LDAH: variants seen among roughly 807,000 people sequenced by gnomAD.
The protein encoded by LDAH is lipid droplet-associated hydrolase.
A neutral mutation model predicts 29.6 loss-of-function variants in LDAH; 26 were observed. That is an observed-to-expected ratio of 0.88 (90% CI 0.64 to 1.22). The LOEUF is 1.22. Ranked by LOEUF, LDAH falls within the 50% of genes most tolerant of loss-of-function variation. The pLI is 0.00. For missense variants in LDAH, 344 were observed against 387.3 expected (o/e 0.89, Z 0.94); for synonymous variants, 117 against 133.0 (o/e 0.88, Z 0.83).
chr2:20,754,329 A>C (rs140065450), intron 4 of LDAH, among the ~76,000 whole-genome samples: 2,007 of 151,808 alleles, frequency 0.013, 38 homozygotes, highest in African/African-American at 0.047. Context: ...TCTACTAAAA[A>C]AATAAAAAAA....
intron 6 of LDAH, among the ~76,000 whole-genome samples, chr2:20,692,263 C>T (rs958555921): frequency 3.3e-5 from 5 of 152,100 alleles, no homozygotes; most frequent in Non-Finnish European, 7.4e-5. Context: ...CAAAGCCCTA[C>T]GGGACCCCAA....
chr2:20,778,382 C>T (rs930744480), intron 3 of LDAH, among the ~76,000 whole-genome samples: 6 of 152,230 alleles, frequency 3.9e-5, no homozygotes, highest in Middle Eastern at 3.4e-3. Flanking sequence ...ATCAGTACTT[C>T]GCATTAACTT....
In LDAH at chr2:20,685,422, A is replaced by G. The variant is rs1662488358; in HGVS notation, c.*1481T>C. On this transcript the variant is annotated 3_prime_UTR_variant, in exon 7 of 7. Coordinates refer to ENST00000237822, the MANE Select transcript of LDAH (RefSeq NM_021925.4). Reference sequence around the variant, plus strand: ...ACAGCCCTGTGCTTACGGCCTATGTATCTATTAGCTCTTCCCCTTGGGCTA... The same window carrying G: ...ACAGCCCTGTGCTTACGGCCTATGTGTCTATTAGCTCTTCCCCTTGGGCTA... 2 of 1,237,020 alleles carry G rather than the reference A, an allele frequency of 1.6e-6. No individual in the cohort carries two copies. The highest frequency in any genetic ancestry group is 2.6e-5 in the Admixed American group (1 of 39,152). The allele number at this position is 1,237,020 out of a possible 1,614,324, so 76.6% of individuals were successfully genotyped here.
intron 5 of LDAH, among the ~76,000 whole-genome samples, chr2:20,712,234 C>G (rs1664817240): frequency 6.6e-6 from 1 of 152,190 alleles, no homozygotes; most frequent in South Asian, 2.1e-4. Flanking sequence ...TGGTGATACC[C>G]AGGCAAGCAG....
At chr2:20,751,011 A>G (rs1473412775) in intron 4 of LDAH, among the ~76,000 whole-genome samples, 5 of 152,304 alleles carry the variant, frequency 3.3e-5, no homozygotes, top group African/African-American at 1.2e-4. Flanking sequence ...CCACTTGAGG[A>G]TGGGGGGATT....
intron 6 of LDAH, among the ~76,000 whole-genome samples, chr2:20,689,834 G>T (rs549302385): frequency 6.6e-6 from 1 of 152,078 alleles, no homozygotes; most frequent in South Asian, 2.1e-4. Context: ...GCATGCTCTC[G>T]CCTCAAGATC....
rs146306104 is a variant in LDAH, at chr2:20,764,011, T to A, written c.468+10799A>T. Among the ~76,000 whole-genome samples, 42 of 152,300 alleles carry A rather than the reference T, an allele frequency of 2.8e-4. 1 individual carries two copies. In the East Asian group the frequency reaches 7.7e-3, roughly 28 times the overall value. On this transcript the variant is annotated intron_variant, in intron 4 of 6. Transcript: ENST00000237822. ...TTGAGAAAAACATATTAAGTCGTTT[T>A]TGAGTTATGAAAAGATGAAAAAAGC...
intron 5 of LDAH, among the ~76,000 whole-genome samples, chr2:20,735,022 T>G (rs187933443): frequency 6.6e-6 from 1 of 152,234 alleles, no homozygotes; most frequent in South Asian, 2.1e-4. Context: ...ATGAATAATG[T>G]ACCGCTTTGC....
At chr2:20,693,678 T>C (rs1399630342) in intron 6 of LDAH, among the ~76,000 whole-genome samples, 1 of 152,256 alleles carries the variant, frequency 6.6e-6, no homozygotes, top group East Asian at 1.9e-4. Context: ...TTGGCTATCC[T>C]TGGTTGAGCA....
At chr2:20,739,411 A>G (rs958263019) in intron 5 of LDAH, among the ~76,000 whole-genome samples, 8 of 152,248 alleles carry the variant, frequency 5.3e-5, no homozygotes, top group African/African-American at 1.9e-4. Context: ...GATAGACTAC[A>G]TTTTAAAACA....
intron 5 of LDAH, among the ~76,000 whole-genome samples, chr2:20,733,240 TA>T (rs1202316312): frequency 6.6e-6 from 1 of 151,896 alleles, no homozygotes; most frequent in East Asian, 1.9e-4. Flanking sequence ...TTAATAATTT[TA>T]TTTTTTTTTG....
At chr2:20,713,084 T>C (rs1192736989) in intron 5 of LDAH, among the ~76,000 whole-genome samples, 1 of 152,024 alleles carries the variant, frequency 6.6e-6, no homozygotes, top group Non-Finnish European at 1.5e-5. Context: ...AGACACATAA[T>C]TGTCAGATTC....
chr2:20,701,775 T>A, intron 5 of LDAH, 123 bp from the exon 6 acceptor site: 1 of 776,416 alleles, frequency 1.3e-6, no homozygotes, highest in Non-Finnish European at 2.2e-6. Context: ...TGAGAGATAC[T>A]GGTGAGGCCA....
chr2:20,693,522 C>T (rs1255372443), intron 6 of LDAH, among the ~76,000 whole-genome samples: 2 of 152,150 alleles, frequency 1.3e-5, no homozygotes, highest in Admixed American at 6.5e-5. Context: ...GAAGATAAGT[C>T]GCCAACCAAA....
At chr2:20,789,050 A>G (rs1670753108) in intron 3 of LDAH, 11 of 1,397,006 alleles carry the variant, frequency 7.9e-6, no homozygotes, top group African/African-American at 1.4e-5. Flanking sequence ...TAACATCGCT[A>G]TTAAATCTTG....
At chr2:20,812,038 G>T (rs547593044) in intron 1 of LDAH, among the ~76,000 whole-genome samples, 52 of 152,278 alleles carry the variant, frequency 3.4e-4, no homozygotes, top group South Asian at 1.9e-3. Flanking sequence ...TGAGGGGAAT[G>T]AAAGCACTCC....
chr2:20,814,015 A>C (rs1259737086), intron 1 of LDAH, among the ~76,000 whole-genome samples: 1 of 152,014 alleles, frequency 6.6e-6, no homozygotes, highest in Non-Finnish European at 1.5e-5. Flanking sequence ...TTTAATTTTT[A>C]TTAGTCTCTA....
At chr2:20,743,571 G>A (rs759621074) in intron 4 of LDAH, among the ~76,000 whole-genome samples, 1 of 152,016 alleles carries the variant, frequency 6.6e-6, no homozygotes. Context: ...AAAATCGAAA[G>A]CACTGTTGCT....
intron 5 of LDAH, among the ~76,000 whole-genome samples, chr2:20,709,148 T>C (rs1179814912): frequency 1.3e-5 from 2 of 152,188 alleles, no homozygotes; most frequent in Admixed American, 1.3e-4. Context: ...CATGACTATA[T>C]GTAATGGGTT....
Sources: allele counts gnomAD v4.1 joint callset (sites outside exome capture counted in the v4.1 genomes callset), GRCh38; gene constraint gnomAD v4.1.1; transcripts MANE v1.5; gene names NCBI Gene and HGNC (gene_info 2026-07-23, HGNC 2026-07-21).